Variants in ICAM1 observed in about 807,000 individuals in gnomAD.
ICAM1 encodes ICAM-1.
Under a neutral mutation model 42.3 loss-of-function variants are expected in ICAM1, and 28 were observed. The observed-to-expected ratio is 0.66, with a 90% CI of 0.49 to 0.91. ICAM1 has a LOEUF of 0.91. Among genes scored for constraint, ICAM1 ranks in the 40% least tolerant of loss-of-function variants. The pLI is 0.00. For missense variants in ICAM1, 637 were observed against 688.6 expected, an observed-to-expected ratio of 0.93 and a Z score of 0.84; for synonymous variants, 304 against 305.9, an observed-to-expected ratio of 0.99 and a Z score of 0.07.
In ICAM1 at chr19:10,274,915, G is replaced by C. The variant is rs374718798; in HGVS notation, c.218G>C (p.Gly73Ala). The C allele has an allele frequency of 1.2e-6, 2 of 1,614,220 alleles. No individual in the cohort carries two copies. Among genetic ancestry groups the C allele is most frequent in the South Asian group, 2.2e-5 (2 of 91,090 alleles). Residue 73 changes from glycine (G) to alanine (A), a missense_variant, in exon 2 of 7, where the codon GGG becomes GCG. Coordinates refer to ENST00000264832, the MANE Select transcript of ICAM1 (RefSeq NM_000201.3). ...CCTAAAAAGGAGTTGCTCCTGCCTGGGAACAACCGGAAGGTGTATGAACTG... is the reference window on the plus strand; with the variant it reads ...CCTAAAAAGGAGTTGCTCCTGCCTGCGAACAACCGGAAGGTGTATGAACTG... ...PLPKKELLLP[G>A]NNRKVYELSN... is the part of the protein sequence containing the mutation.
Position 10,284,306 on chromosome 19 carries a change from C to G in ICAM1, c.911C>G (p.Thr304Arg), listed in dbSNP as rs773397826. Residue 304 changes from threonine to arginine, a missense_variant, in exon 4 of 7, where the codon ACA becomes AGA. Thr to Arg is a moderately conservative substitution (Grantham distance 71, BLOSUM62 -1). Transcript: ENST00000264832. This position sits in a 1 kb window ranked among gnomAD's most constrained non-coding sequence, Gnocchi z 5.4. ...LGNQSQETLQTVTIYSFPAPN... is the reference protein window; with the variant it reads ...LGNQSQETLQRVTIYSFPAPN... ...AACCAGAGCCAGGAGACACTGCAGACAGTGACCATCTACAGTAAGAAGGGG... is the reference window on the plus strand; with the variant it reads ...AACCAGAGCCAGGAGACACTGCAGAGAGTGACCATCTACAGTAAGAAGGGG... 2 of 1,613,478 alleles carry G rather than the reference C, an allele frequency of 1.2e-6. No individual in the cohort carries two copies. The highest frequency in any genetic ancestry group is 1.1e-5 in the South Asian group (1 of 91,088).
chr19:10,272,560 CTTTTTTTTTT>C (rs1174775027), intron 1 of ICAM1, among the ~76,000 whole-genome samples: 2 of 56,132 alleles, frequency 3.6e-5, no homozygotes, highest in African/African-American at 5.5e-5. Flanking sequence ...CTTTTCTTTT[CTTTTTTTTTT>C]TTTTTTTTTT....
intron 2 of ICAM1, chr19:10,282,429 A>C (rs1384800531): frequency 6.6e-6 from 1 of 151,618 alleles, no homozygotes; most frequent in African/African-American, 2.4e-5. Context: ...TGTATTTTTA[A>C]TAGAGACGGG....
intron 2 of ICAM1, among the ~76,000 whole-genome samples, chr19:10,276,497 A>G (rs1325585407): frequency 6.9e-6 from 1 of 145,854 alleles, no homozygotes; most frequent in Non-Finnish European, 1.5e-5. Flanking sequence ...GTGAGCCAAG[A>G]TCGTGCCACT....
chr19:10,274,763 A>G lies in ICAM1; in HGVS notation c.68-2A>G. The G allele has an allele frequency of 6.2e-7, 1 of 1,611,792 alleles. No individual in the cohort carries two copies. Among genetic ancestry groups the G allele is most frequent in the Non-Finnish European group, 8.5e-7 (1 of 1,178,272 alleles). On this transcript the variant is annotated splice_acceptor_variant, in intron 1 of 6. Transcript: ENST00000264832. LOFTEE classifies it high-confidence loss of function. ...TGTCGCCTCTTCCCTCGTTTCTTCT[A>G]GGACCTGGCAATGCCCAGACATCTG...
chr19:10,282,342 G>A (rs1282113605), intron 2 of ICAM1: 1 of 152,168 alleles, frequency 6.6e-6, no homozygotes, highest in Non-Finnish European at 1.5e-5. Flanking sequence ...CCACCTCCCA[G>A]GTTCAAGAGA....
chr19:10,280,844 C>T (rs2040050874), intron 2 of ICAM1, among the ~76,000 whole-genome samples: 1 of 147,586 alleles, frequency 6.8e-6, no homozygotes, highest in African/African-American at 2.5e-5. Flanking sequence ...GCTGAGATTA[C>T]AGGCATGAGC....
chr19:10,275,369 C>T (rs571297393), intron 2 of ICAM1, among the ~76,000 whole-genome samples: 3 of 152,022 alleles, frequency 2.0e-5, no homozygotes, highest in Non-Finnish European at 4.4e-5. Flanking sequence ...TGGTGTCAAG[C>T]GCCTGTAATC....
intron 2 of ICAM1, among the ~76,000 whole-genome samples, chr19:10,275,615 C>T (rs972694736): frequency 2.0e-4 from 31 of 152,196 alleles, no homozygotes; most frequent in African/African-American, 7.5e-4. Flanking sequence ...TACCTATAAT[C>T]CCAACTACTC....
At chr19:10,281,385 G>A (rs1036856638) in intron 2 of ICAM1, among the ~76,000 whole-genome samples, 1 of 151,196 alleles carries the variant, frequency 6.6e-6, no homozygotes, top group Non-Finnish European at 1.5e-5. Context: ...GCATCCCAAA[G>A]TACTGGGATT....
chr19:10,275,998 G>A (rs945808715), intron 2 of ICAM1, among the ~76,000 whole-genome samples: 25 of 151,270 alleles, frequency 1.7e-4, no homozygotes, highest in East Asian at 2.0e-4. Context: ...GTAAGCCACT[G>A]TGCCCATCCA....
intron 2 of ICAM1, among the ~76,000 whole-genome samples, chr19:10,275,808 C>T (rs542506733): frequency 1.1e-3 from 170 of 150,272 alleles, no homozygotes; most frequent in African/African-American, 4.0e-3. Context: ...CCCGGGTTCA[C>T]GCCATTCTCC....
chr19:10,273,589 C>T (rs1052374279), intron 1 of ICAM1, among the ~76,000 whole-genome samples: 4 of 152,150 alleles, frequency 2.6e-5, no homozygotes, highest in Non-Finnish European at 4.4e-5. Flanking sequence ...CACTTGAGCC[C>T]AGGAGTTCAA....
chr19:10,274,724 T>G (rs777141172), intron 1 of ICAM1, 41 bp from the exon 2 acceptor site: 1 of 1,595,512 alleles, frequency 6.3e-7, no homozygotes, highest in South Asian at 1.1e-5. Context: ...TTGATGAACC[T>G]GATTTGTAAT....
At chr19:10,272,245 A>T (rs1476980422) in intron 1 of ICAM1, among the ~76,000 whole-genome samples, 2 of 152,192 alleles carry the variant, frequency 1.3e-5, no homozygotes, top group Non-Finnish European at 1.5e-5. Flanking sequence ...AGATTGTGCC[A>T]CTGCACTCCA....
intron 2 of ICAM1, among the ~76,000 whole-genome samples, chr19:10,281,082 C>G (rs896764958): frequency 6.6e-6 from 1 of 150,830 alleles, no homozygotes. Flanking sequence ...ACCGTGTTAG[C>G]CAGGATGGTC....
At chr19:10,274,489 A>G (rs2040003009) in intron 1 of ICAM1, among the ~76,000 whole-genome samples, 1 of 151,832 alleles carries the variant, frequency 6.6e-6, no homozygotes, top group Non-Finnish European at 1.5e-5. Flanking sequence ...TAATTTTTGT[A>G]TTTTTAGTGG....
Position 10,285,325 on chromosome 19 carries a change from A to G in ICAM1, c.*38A>G, listed in dbSNP as rs572171111. On this transcript the variant is annotated 3_prime_UTR_variant, in exon 7 of 7. Transcript: ENST00000264832. Reference sequence around the variant, plus strand: ...ACAGGGCCTCTTCCTCGGCCTTCCCATATTGGTGGCAGTGGTGCCACACTG... The same window carrying G: ...ACAGGGCCTCTTCCTCGGCCTTCCCGTATTGGTGGCAGTGGTGCCACACTG... 11 of 1,596,518 alleles carry G rather than the reference A, an allele frequency of 6.9e-6. No homozygotes were observed. The highest frequency in any genetic ancestry group is 9.4e-6 in the Non-Finnish European group (11 of 1,168,344).
chr19:10,274,406 C>A (rs1444917195), intron 1 of ICAM1, among the ~76,000 whole-genome samples: 1 of 151,728 alleles, frequency 6.6e-6, no homozygotes, highest in Non-Finnish European at 1.5e-5. Context: ...CCTCCACCTC[C>A]CAGGTTCAAG....
Sources: gnomAD v4.1 joint callset for allele counts (sites outside exome capture counted in the v4.1 genomes callset) on GRCh38, gnomAD v4.1.1 for gene constraint, Gnocchi (gnomAD v3.1) non-coding constraint, MANE v1.5 for transcripts, NCBI Gene and HGNC (gene_info 2026-07-23, HGNC 2026-07-21) for gene names.